RASSF7: variants seen among roughly 807,000 people sequenced by gnomAD.
RASSF7 encodes the protein ras association domain-containing protein 7.
In RASSF7, 41 loss-of-function variants were observed where a neutral mutation model predicts 33.8. The observed-to-expected ratio is 1.21, with a 90% CI of 0.95 to 1.57. The LOEUF (loss-of-function observed/expected upper bound fraction) is 1.57. Ranked by LOEUF, RASSF7 falls within the 40% of genes most tolerant of loss-of-function variation. The probability of loss-of-function intolerance (pLI) is 0.00; values close to 1 mark genes in which losing one functional copy is unlikely to be tolerated. For missense variants in RASSF7, 622 were observed against 497.0 expected (o/e 1.25, Z -2.39); for synonymous variants, 298 against 212.8 (o/e 1.40, Z -3.48).
At chr11:563,084 C>G in intron 3 of RASSF7, 105 bp from the exon 4 acceptor site, 1 of 1,140,446 alleles carries the variant, frequency 8.8e-7, no homozygotes, top group African/African-American at 1.5e-5. Context: ...CTGACGTGGG[C>G]AGATATGGGG....
chr11:562,363 TCA>T lies in RASSF7; in HGVS notation c.411_412del (p.Arg138ProfsTer29). 1.3e-6 allele frequency: 2 copies of T among 1,599,168 alleles called. No homozygotes were observed. Among genetic ancestry groups the T allele is most frequent in the Non-Finnish European group, 1.7e-6 (2 of 1,173,510 alleles). ...GACCCCCGAGCCAGCCCCCAGCCTC[TCA>T]CGCCCTGGGCCTGCGGCCCCTGTGA... ...TLTPEPAPSL[S>X]RPGPAAPVTP... is the part of the protein sequence containing the mutation. On this transcript the variant is annotated frameshift_variant, in exon 3 of 6. Coordinates refer to ENST00000397583, the MANE Select transcript of RASSF7 (RefSeq NM_003475.4). LOFTEE classifies it high-confidence loss of function.
chr11:562,761 A>G lies in RASSF7; in HGVS notation c.807A>G (p.Ala269=). 1 of 1,508,550 alleles carries G rather than the reference A, an allele frequency of 6.6e-7. No homozygotes were observed. Among genetic ancestry groups the G allele is most frequent in the Non-Finnish European group, 8.8e-7 (1 of 1,132,150 alleles). 93.4% of individuals were successfully genotyped at this position (1,508,550 alleles called of 1,614,324 possible). A position where few individuals can be genotyped will look rare whatever the true frequency, so the allele number is the denominator to read the frequency against. ...LALVSRALEA[A]ERALQAQAQE... is the part of the protein sequence containing the mutation. ...TGGTGAGCCGGGCCCTGGAGGCAGC[A>G]GAGCGAGCCTTGCAGGTGAGCCCGG... The change falls in exon 3 of 6, where the codon GCA becomes GCG. Residue 269 remains alanine, a synonymous_variant. Transcript: ENST00000397583.
chr11:561,321 T>G lies in RASSF7; in HGVS notation c.-164T>G. On this transcript the variant is annotated 5_prime_UTR_variant, in exon 1 of 6. Coordinates refer to ENST00000397583, the MANE Select transcript of RASSF7 (RefSeq NM_003475.4). ...TGGCGGGGGCTGCTCAGACCCGGAG[T>G]CTGCTCCATCTGCAGGGTCGAGGTC... is the stretch of plus-strand genomic sequence containing the variant. 6.0e-6 allele frequency: 6 copies of G among 992,178 alleles called. No homozygotes were observed. The highest frequency in any genetic ancestry group is 7.2e-6 in the Non-Finnish European group (6 of 835,040). 61.5% of individuals were successfully genotyped at this position (992,178 alleles called of 1,614,324 possible). A position where few individuals can be genotyped will look rare whatever the true frequency, so the allele number is the denominator to read the frequency against.
rs753984655 is a variant in RASSF7 at position 562,548 on chromosome 11, G to T, written c.594G>T (p.Ala198=). The part of the protein sequence containing the change: ...EGQARLQALS[A]ATAEHAARLQ... ...AGGCACGCCTGCAGGCACTAAGTGC[G>T]GCCACTGCTGAGCATGCCGCCCGGC... Residue 198 remains alanine (A), a synonymous_variant, in exon 3 of 6, where the codon GCG becomes GCT. Coordinates refer to ENST00000397583, the MANE Select transcript of RASSF7 (RefSeq NM_003475.4). 15 of 1,547,208 alleles carry T rather than the reference G, an allele frequency of 9.7e-6. No individual in the cohort carries two copies. The highest frequency in any genetic ancestry group is 1.2e-5 in the Non-Finnish European group (14 of 1,146,754).
In RASSF7 at chr11:562,664, C is replaced by G. The variant is rs754073218; in HGVS notation, c.710C>G (p.Ala237Gly). 87 of 1,543,714 alleles carry G rather than the reference C, an allele frequency of 5.6e-5. No homozygotes were observed. The highest frequency in any genetic ancestry group is 7.1e-5 in the Non-Finnish European group (82 of 1,146,856). ...GGGCCCCCCTCACCTATGGCATCTGCCACTGAGCGCCTGCACCAGGACCTG... is the reference window on the plus strand; with the variant it reads ...GGGCCCCCCTCACCTATGGCATCTGGCACTGAGCGCCTGCACCAGGACCTG... ...APGPPSPMASATERLHQDLAV... is the reference protein window; with the variant it reads ...APGPPSPMASGTERLHQDLAV... Residue 237 changes from alanine to glycine, a missense_variant, in exon 3 of 6, where the codon GCC becomes GGC. By Grantham distance (60) the Ala-to-Gly change is moderately conservative. Transcript: ENST00000397583.
In RASSF7 at chr11:560,976, C is replaced by A; in HGVS notation, c.-509C>A. ...CGCGGGGCCCGGGTGCGCCGCGGCGCTGGGGGCGGCAGGTTGCGGCGGCGC... is the reference window on the plus strand; with the variant it reads ...CGCGGGGCCCGGGTGCGCCGCGGCGATGGGGGCGGCAGGTTGCGGCGGCGC... On this transcript the variant is annotated 5_prime_UTR_variant, in exon 1 of 6. It adds an upstream start codon to the 5' untranslated region. Coordinates refer to ENST00000397583, the MANE Select transcript of RASSF7 (RefSeq NM_003475.4). 1 of 1,094,938 alleles carries A rather than the reference C, an allele frequency of 9.1e-7. No homozygotes were observed. Among genetic ancestry groups the A allele is most frequent in the South Asian group, 4.4e-5 (1 of 22,554 alleles). 67.8% of individuals were successfully genotyped at this position (1,094,938 alleles called of 1,614,324 possible).
At position 563,219 on chromosome 11, in the gene RASSF7, C is replaced by A; in HGVS notation, c.853C>A (p.Arg285=). 1 of 1,596,160 alleles carries A rather than the reference C, an allele frequency of 6.3e-7. No homozygotes were observed. Residue 285 remains arginine, a synonymous_variant, in exon 4 of 6, where the codon CGA becomes AGA. Transcript: ENST00000397583. ...GGCTCAGGAGCTGGAGGAGCTGAAC[C>A]GAGAGCTCCGTCAGTGCAACCTGCA... ...AQAQELEELN[R]ELRQCNLQQF...
At chr11:562,805 C>G (rs1444855723) in intron 3 of RASSF7, 29 bp downstream of exon 3, 6 of 1,431,164 alleles carry the variant, frequency 4.2e-6, no homozygotes, top group Admixed American at 2.6e-5. Context: ...TCCCCTGTCA[C>G]TCCCCCACCC....
chr11:563,570 C>T lies in RASSF7; in HGVS notation c.1047C>T (p.Asp349=), dbSNP rs369335309. The T allele has an allele frequency of 2.1e-4, 335 of 1,612,194 alleles. No homozygotes were observed. Among genetic ancestry groups the T allele is most frequent in the Non-Finnish European group, 2.6e-4 (312 of 1,179,896 alleles). Residue 349 remains aspartate, a synonymous_variant, in exon 6 of 6, where the codon GAC becomes GAT. Transcript: ENST00000397583. ...TGTCCTCCCGCAGTGGCCCCCATGA[C>T]GCAGAACTCCTGGAGGTAGCAGCAG... ...AQPRPRGGPH[D]AELLEVAAAP... is the part of the protein sequence containing the mutation.
Position 563,298 on chromosome 11 carries a change from G to A in RASSF7, c.932G>A (p.Arg311Lys). Residue 311 changes from arginine (R) to lysine (K), a missense_variant, in exon 4 of 6, where the codon AGG becomes AAG. Transcript: ENST00000397583. ...AALPPPPRPD[R>K]GPPGTQGPLP... ...CTGCCACCGCCCCCACGGCCTGACA[G>A]GGGCCCTCCTGGCACTCAGGTCGGA... 1 of 1,609,962 alleles carries A rather than the reference G, an allele frequency of 6.2e-7. No individual in the cohort carries two copies. The highest frequency in any genetic ancestry group is 1.3e-5 in the African/African-American group (1 of 75,010).
rs760147205 is a variant in RASSF7, at chr11:562,262, C to T, written c.308C>T (p.Pro103Leu). ...CCCTCCTCAGACAGCTGTCCACCCC[C>T]GGAACGCTGCCTAATTCGTGCCAGC... ...GRPSSDSCPP[P>L]ERCLIRASLP... Residue 103 changes from proline (P) to leucine (L), a missense_variant, in exon 3 of 6, where the codon CCG becomes CTG. Coordinates refer to ENST00000397583, the MANE Select transcript of RASSF7 (RefSeq NM_003475.4). The T allele has an allele frequency of 5.6e-6, 9 of 1,612,856 alleles. No homozygotes were observed. The highest frequency in any genetic ancestry group is 1.3e-5 in the African/African-American group (1 of 74,944).
In RASSF7 at chr11:563,181, G is replaced by A. The variant is rs370723982; in HGVS notation, c.823-8G>A. On this transcript the variant is annotated splice_region_variant and splice_polypyrimidine_tract_variant and intron_variant, in intron 3 of 5. Transcript: ENST00000397583. The stretch of plus-strand genomic sequence containing the variant: ...GCTGTGCCTCCTAAGGATCTCATGT[G>A]TCCCCAGGCTCAGGCTCAGGAGCTG... 1.9e-6 allele frequency: 3 copies of A among 1,566,232 alleles called. No homozygotes were observed. The African/African-American group carries it at 4.0e-5, about 21-fold the overall frequency.
intron 3 of RASSF7, 105 bp downstream of exon 3, chr11:562,881 TC>T (rs1853403803): frequency 2.0e-6 from 2 of 986,326 alleles, no homozygotes; most frequent in Admixed American, 2.9e-5. Context: ...GGGGACCTGA[TC>T]CCCTGTCACT....
In RASSF7 at chr11:562,306, G is replaced by A. The variant is rs745868002; in HGVS notation, c.352G>A (p.Ala118Thr). 1 of 1,612,090 alleles carries A rather than the reference G, an allele frequency of 6.2e-7. No homozygotes were observed. The change falls in exon 3 of 6, where the codon GCT (alanine) becomes ACT (threonine). Residue 118 changes from alanine (A) to threonine (T), a missense_variant. Physicochemically the swap from Ala to Thr is moderately conservative, Grantham distance 58 (BLOSUM62 0). Coordinates refer to ENST00000397583, the MANE Select transcript of RASSF7 (RefSeq NM_003475.4). ...TGCCAGCCTCCCTGTAAAGCCACGGGCTGCGCTGGGCTGTGAGCCCCGCAA... is the reference window on the plus strand; with the variant it reads ...TGCCAGCCTCCCTGTAAAGCCACGGACTGCGCTGGGCTGTGAGCCCCGCAA... ...IRASLPVKPR[A>T]ALGCEPRKTL... is the part of the protein sequence containing the mutation.
chr11:563,124 CCTCCGGA>C, intron 3 of RASSF7, 58 bp from the exon 4 acceptor site: 1 of 1,454,316 alleles, frequency 6.9e-7, no homozygotes, highest in Non-Finnish European at 9.3e-7. Context: ...GAAAGTGCTC[CCTCCGGA>C]GCACAAGGGC....
rs1205025567 is a variant in RASSF7, at chr11:562,724, GC to G, written c.771del (p.Ser258AlafsTer5). 2.0e-6 allele frequency: 3 copies of G among 1,538,004 alleles called. No individual in the cohort carries two copies. Among genetic ancestry groups the G allele is most frequent in the Non-Finnish European group, 2.6e-6 (3 of 1,145,190 alleles). ...GAGCGGCAGAGTGCGGAGGTGCAGGGCAGCCTGGCTCTGGTGAGCCGGGCCC... is the reference window on the plus strand; with the variant it reads ...GAGCGGCAGAGTGCGGAGGTGCAGGGAGCCTGGCTCTGGTGAGCCGGGCCC... ...VQERQSAEVQ[G>X]SLALVSRALE... On this transcript the variant is annotated frameshift_variant, in exon 3 of 6. Transcript: ENST00000397583. LOFTEE classifies it high-confidence loss of function.
rs200991248 is a variant in RASSF7, at chr11:563,505, G to C, written c.1034+27G>C. On this transcript the variant is annotated intron_variant, in intron 5 of 5. Coordinates refer to ENST00000397583, the MANE Select transcript of RASSF7 (RefSeq NM_003475.4). ...TATGTCTGTGCCCCACCTCCCCCTG[G>C]GGCACCGGGCCCTCCTGTGGCTGCA... 3.1e-6 allele frequency: 5 copies of C among 1,608,988 alleles called. No individual in the cohort carries two copies. The East Asian group carries it at 8.9e-5, about 29-fold the overall frequency.
chr11:561,717 TAGG>T, intron 1 of RASSF7, 42 bp from the exon 2 acceptor site: 1 of 1,609,762 alleles, frequency 6.2e-7, no homozygotes, highest in Non-Finnish European at 8.5e-7. Flanking sequence ...CAGCCTGCGA[TAGG>T]AGTAGGCAGG....
rs761944617 is a variant in RASSF7, at chr11:563,568, G to A, written c.1045G>A (p.Asp349Asn). The A allele has an allele frequency of 2.5e-6, 4 of 1,612,198 alleles. No individual in the cohort carries two copies. In the Admixed American group the frequency reaches 6.7e-5, roughly 27 times the overall value. Residue 349 changes from aspartate to asparagine, a missense_variant, in exon 6 of 6, where the codon GAC becomes AAC. By Grantham distance (23) the Asp-to-Asn change is conservative. Transcript: ENST00000397583. ...TGTGTCCTCCCGCAGTGGCCCCCAT[G>A]ACGCAGAACTCCTGGAGGTAGCAGC... The part of the protein sequence containing the change: ...AQPRPRGGPH[D>N]AELLEVAAAP...
Sources: gnomAD v4.1 joint callset for allele counts on GRCh38, gnomAD v4.1.1 for gene constraint, MANE v1.5 for transcripts, NCBI Gene and HGNC (gene_info 2026-07-23, HGNC 2026-07-21) for gene names.